The following ROCK2 variants were observed in gnomAD, a reference collection of about 807,000 sequenced individuals.
The protein encoded by ROCK2 is rho-associated protein kinase 2.
ROCK2 carries 61 observed loss-of-function variants against 195.1 expected under a neutral mutation model. The ratio of observed to expected loss-of-function variants is 0.31; its 90% CI spans 0.25 to 0.39. The LOEUF (loss-of-function observed/expected upper bound fraction) is 0.39. Among genes scored for constraint, ROCK2 ranks in the 10% least tolerant of loss-of-function variants. ROCK2 has a pLI of 1.00. For missense variants in ROCK2, 1,109 were observed against 1,637.4 expected (o/e 0.68, Z 5.57); for synonymous variants, 504 against 545.5 (o/e 0.92, Z 1.06).
intron 6 of ROCK2, among the ~76,000 whole-genome samples, chr2:11,226,400 ATATT>A (rs1341341304): frequency 6.6e-6 from 1 of 152,216 alleles, no homozygotes; most frequent in East Asian, 1.9e-4. Context: ...ATTACAAAAT[ATATT>A]TATCTTGATA....
intron 3 of ROCK2, among the ~76,000 whole-genome samples, chr2:11,255,034 G>A (rs1033484279): frequency 1.1e-4 from 16 of 151,784 alleles, no homozygotes; most frequent in African/African-American, 3.1e-4. Flanking sequence ...TGGCTAACAC[G>A]GTGAAACCCC....
chr2:11,293,938 C>T (rs771813515), intron 1 of ROCK2, among the ~76,000 whole-genome samples: 1 of 152,054 alleles, frequency 6.6e-6, no homozygotes, highest in Non-Finnish European at 1.5e-5. Flanking sequence ...GCGGGAGGAT[C>T]GTGAGGTCAG....
At chr2:11,317,589 T>TATATAC (rs1668243377) in intron 1 of ROCK2, among the ~76,000 whole-genome samples, 2 of 13,302 alleles carry the variant, frequency 1.5e-4, no homozygotes, top group African/African-American at 4.8e-4. Flanking sequence ...TATATATATA[T>TATATAC]ATATATATAT....
At position 11,183,341 on chromosome 2, in the gene ROCK2, T is replaced by C. The variant is rs1015913510; in HGVS notation, c.*96A>G. On this transcript the variant is annotated 3_prime_UTR_variant, in exon 33 of 33. Coordinates refer to ENST00000315872, the MANE Select transcript of ROCK2 (RefSeq NM_004850.5). ...TATGTATCAGTCTCTCAGGAAAATATAGCTTTTTAATAAATTTTGGGCCAT... is the reference window on the plus strand; with the variant it reads ...TATGTATCAGTCTCTCAGGAAAATACAGCTTTTTAATAAATTTTGGGCCAT... The C allele has an allele frequency of 2.1e-6, 2 of 951,664 alleles. No individual in the cohort carries two copies. The highest frequency in any genetic ancestry group is 3.3e-6 in the Non-Finnish European group (2 of 612,982). 59.0% of individuals were successfully genotyped at this position (951,664 alleles called of 1,614,324 possible).
chr2:11,292,626 T>C (rs1156771586), intron 1 of ROCK2, among the ~76,000 whole-genome samples: 8 of 152,342 alleles, frequency 5.3e-5, no homozygotes, highest in African/African-American at 1.7e-4. Flanking sequence ...AAACAGTTAG[T>C]TACAGAGCAT....
chr2:11,274,816 T>C (rs2148172600), intron 3 of ROCK2, among the ~76,000 whole-genome samples: 1 of 152,310 alleles, frequency 6.6e-6, no homozygotes, highest in South Asian at 2.1e-4. Flanking sequence ...AGTCCCCTCT[T>C]ATCCTCAGGA....
chr2:11,323,018 C>T (rs2148251242), intron 1 of ROCK2, among the ~76,000 whole-genome samples: 1 of 151,896 alleles, frequency 6.6e-6, no homozygotes, highest in East Asian at 1.9e-4. Flanking sequence ...GAAGATTAAC[C>T]TGAACCTAAG....
At chr2:11,195,073 G>A in intron 27 of ROCK2, 48 bp from the exon 28 acceptor site, 2 of 996,896 alleles carry the variant, frequency 2.0e-6, no homozygotes, top group Non-Finnish European at 3.0e-6. Context: ...ATTCTCCTTA[G>A]ATAACAAAGA....
chr2:11,197,910 A>G lies in ROCK2; in HGVS notation c.3100-205T>C, dbSNP rs79289850. On this transcript the variant is annotated intron_variant, in intron 25 of 32. Coordinates refer to ENST00000315872, the MANE Select transcript of ROCK2 (RefSeq NM_004850.5). The surrounding 1 kb of genome is among the most constrained non-coding windows in gnomAD (Gnocchi z 4.9). ...ATCCTTCTCCATCCAATGAGCCATT[A>G]GATTTTTACTCGTGTTTTCTGAGAA... 6.6e-5 allele frequency among the ~76,000 whole-genome samples: 10 copies of G among 152,326 alleles called. No homozygotes were observed. The highest frequency in any genetic ancestry group is 2.2e-4 in the African/African-American group (9 of 41,588).
chr2:11,258,076 T>A (rs1225240179), intron 3 of ROCK2, among the ~76,000 whole-genome samples: 1 of 151,294 alleles, frequency 6.6e-6, no homozygotes, highest in South Asian at 2.1e-4. Flanking sequence ...AAACAAAAAC[T>A]CTGCTTTTCA....
At chr2:11,345,202 G>A (rs955623451), upstream of ROCK2, among the ~76,000 whole-genome samples, 8 of 152,224 alleles carry the variant, frequency 5.3e-5, no homozygotes, top group African/African-American at 1.7e-4. Flanking sequence ...TAGCGGAGGC[G>A]GGTGGAATCC....
intron 3 of ROCK2, among the ~76,000 whole-genome samples, chr2:11,277,528 T>G (rs934230393): frequency 6.6e-6 from 1 of 152,216 alleles, no homozygotes; most frequent in Non-Finnish European, 1.5e-5. Flanking sequence ...ATCATTCTTA[T>G]GCCTTTGCGT....
chr2:11,195,989 G>C (rs1663620747), intron 27 of ROCK2, among the ~76,000 whole-genome samples: 1 of 152,134 alleles, frequency 6.6e-6, no homozygotes, highest in Non-Finnish European at 1.5e-5. Flanking sequence ...ATAAATATGT[G>C]AAATAGCATT....
At chr2:11,319,979 T>C (rs1668352046) in intron 1 of ROCK2, among the ~76,000 whole-genome samples, 1 of 152,192 alleles carries the variant, frequency 6.6e-6, no homozygotes, top group Non-Finnish European at 1.5e-5. Context: ...GCTCCAATGA[T>C]AATCAGGGAC....
At chr2:11,216,378 A>G (rs1393690249) in intron 12 of ROCK2, among the ~76,000 whole-genome samples, 172 bp from the exon 13 acceptor site, 2 of 152,140 alleles carry the variant, frequency 1.3e-5, no homozygotes, top group African/African-American at 4.8e-5. Flanking sequence ...GGCTCACTAC[A>G]ATGCCTGCCT....
intron 4 of ROCK2, among the ~76,000 whole-genome samples, chr2:11,241,031 GTTTTA>G (rs1244218984): frequency 6.6e-6 from 1 of 152,008 alleles, no homozygotes; most frequent in Admixed American, 6.6e-5. Flanking sequence ...TAATAATGTA[GTTTTA>G]TTTATAAGAG....
At chr2:11,208,100 G>C (rs1258479522) in intron 19 of ROCK2, among the ~76,000 whole-genome samples, 187 bp downstream of exon 19, 1 of 151,028 alleles carries the variant, frequency 6.6e-6, no homozygotes, top group Non-Finnish European at 1.5e-5. Flanking sequence ...AATATAATAA[G>C]GTAAATATAA....
chr2:11,226,237 T>C (rs961232460), intron 6 of ROCK2, among the ~76,000 whole-genome samples: 1 of 152,222 alleles, frequency 6.6e-6, no homozygotes, highest in African/African-American at 2.4e-5. Context: ...CTAGTATTTT[T>C]ATGACCCCAG....
At chr2:11,262,976 C>CA (rs1168574852) in intron 3 of ROCK2, among the ~76,000 whole-genome samples, 5 of 151,722 alleles carry the variant, frequency 3.3e-5, no homozygotes, top group Non-Finnish European at 7.4e-5. Flanking sequence ...CATAGATACA[C>CA]AAAAAAAATG....
Sources: allele counts gnomAD v4.1 joint callset (sites outside exome capture counted in the v4.1 genomes callset), GRCh38; gene constraint gnomAD v4.1.1; non-coding constraint Gnocchi (gnomAD v3.1); transcripts MANE v1.5; gene names NCBI Gene and HGNC (gene_info 2026-07-23, HGNC 2026-07-21).